The following TNNI3K variants were observed in gnomAD, a reference collection of about 807,000 sequenced individuals.
TNNI3K encodes the protein TNNI3 interacting kinase.
Under a neutral mutation model 114.5 loss-of-function variants are expected in TNNI3K, and 140 were observed. The observed-to-expected ratio is 1.22, with a 90% CI of 1.07 to 1.41. The LOEUF is 1.41. Ranked by LOEUF, TNNI3K falls within the 40% of genes most tolerant of loss-of-function variation. The pLI is 0.00. For synonymous variants in TNNI3K, 347 were observed against 347.5 expected (o/e 1.00, Z 0.02); for missense variants, 1,125 against 1,007.6 (o/e 1.12, Z -1.58).
intron 5 of TNNI3K, among the ~76,000 whole-genome samples, chr1:74,292,971 C>T (rs10890122): frequency 0.6 from 90,372 of 151,220 alleles, 30,769 homozygotes; most frequent in East Asian, 0.82. Context: ...TTTACTTTAC[C>T]CATGAAGTCC....
chr1:74,378,143 A>T lies in TNNI3K; in HGVS notation c.1772+7751A>T, dbSNP rs926449195. ...AATGGATGCCTTAGGGATTAGGGCTACCTGTAGTTCTGAAATGTTTATGTC... is the reference window on the plus strand; with the variant it reads ...AATGGATGCCTTAGGGATTAGGGCTTCCTGTAGTTCTGAAATGTTTATGTC... On this transcript the variant is annotated intron_variant, in intron 17 of 24. Transcript: ENST00000326637. Among the ~76,000 whole-genome samples, 4 of 152,034 alleles carry T rather than the reference A, an allele frequency of 2.6e-5. No individual in the cohort carries two copies. In the East Asian group the frequency reaches 7.8e-4, roughly 29 times the overall value.
rs529752516 is a variant in TNNI3K at position 74,453,996 on chromosome 1, T to A, written c.2012-9445T>A. ...CTAACACCGTAGGGGCTAAAGAGAATTGGCATGTGTCTTGCGACCTTGTGC... is the reference window on the plus strand; with the variant it reads ...CTAACACCGTAGGGGCTAAAGAGAAATGGCATGTGTCTTGCGACCTTGTGC... On this transcript the variant is annotated intron_variant, in intron 20 of 24. Coordinates refer to ENST00000326637, the MANE Select transcript of TNNI3K (RefSeq NM_015978.3). Among the ~76,000 whole-genome samples, 4 of 152,324 alleles carry A rather than the reference T, an allele frequency of 2.6e-5. No homozygotes were observed. In the South Asian group the frequency reaches 8.3e-4, roughly 32 times the overall value.
intron 5 of TNNI3K, among the ~76,000 whole-genome samples, chr1:74,286,451 G>T (rs1351109366): frequency 6.6e-6 from 1 of 152,140 alleles, no homozygotes; most frequent in Non-Finnish European, 1.5e-5. Context: ...CAGGCTGCAG[G>T]CCAGCCCTAG....
rs1441348567 is a variant in TNNI3K at position 74,416,471 on chromosome 1, C to T, written c.1773-19609C>T. ...CCTAGAAGTTATTGGAGTAGATTCT[C>T]CCAAAAGGTAGAGGCTTTACACTAG... On this transcript the variant is annotated intron_variant, in intron 17 of 24. Transcript: ENST00000326637. The T allele has an allele frequency of 6.2e-6, 6 of 972,354 alleles. No individual in the cohort carries two copies. The Admixed American group carries it at 2.5e-4, about 40-fold the overall frequency. The allele number at this position is 972,354 out of a possible 1,614,324, so 60.2% of individuals were successfully genotyped here. A position where few individuals can be genotyped will look rare whatever the true frequency, so the allele number is the denominator to read the frequency against.
chr1:74,475,610 T>C (rs776836708), intron 21 of TNNI3K: 4 of 717,162 alleles, frequency 5.6e-6, no homozygotes, highest in Admixed American at 4.0e-5. Flanking sequence ...GACCCCACAG[T>C]GGACATGACC....
At position 74,369,580 on chromosome 1, in the gene TNNI3K, GA is replaced by G; in HGVS notation, c.1664del (p.Lys555ArgfsTer10). ...GSLFSLLHEQ[K>X]RILDLQSKLI... ...CTCTGTTCTCCCTCCTTCATGAGCA[GA>G]AGAGGTATGGGTCTTTTGTTCTGAT... On this transcript the variant is annotated frameshift_variant, in exon 16 of 25. Transcript: ENST00000326637. LOFTEE classifies it high-confidence loss of function. 2 of 1,605,092 alleles carry G rather than the reference GA, an allele frequency of 1.2e-6. No individual in the cohort carries two copies. The highest frequency in any genetic ancestry group is 1.7e-6 in the Non-Finnish European group (2 of 1,176,002).
intron 17 of TNNI3K, 35 bp downstream of exon 17, chr1:74,370,427 A>G (rs1398627638): frequency 7.0e-6 from 11 of 1,562,930 alleles, no homozygotes; most frequent in South Asian, 3.5e-5. Context: ...TCAGAAGGGT[A>G]TGACTAACTG....
chr1:74,366,486 T>C (rs2100512898), intron 11 of TNNI3K: 1 of 152,058 alleles, frequency 6.6e-6, no homozygotes, highest in Admixed American at 6.6e-5. Flanking sequence ...CACTTCAGGG[T>C]GGGCATTTCT....
Position 74,449,645 on chromosome 1 carries a change from A to G in TNNI3K, c.2011+10023A>G, listed in dbSNP as rs1425480098. On this transcript the variant is annotated intron_variant, in intron 20 of 24. Transcript: ENST00000326637. ...ACAGACTTTAAACCAACAAAGATCA[A>G]AAGAGACAAAGAAGGCCATTACATA... 1.7e-3 allele frequency among the ~76,000 whole-genome samples: 261 copies of G among 151,830 alleles called. 1 individual carries two copies. Among genetic ancestry groups the G allele is most frequent in the African/African-American group, 6.1e-3 (250 of 41,264 alleles).
In TNNI3K at chr1:74,273,276, G is replaced by T. The variant is rs150507905; in HGVS notation, c.444+1568G>T. On this transcript the variant is annotated intron_variant, in intron 5 of 24. Transcript: ENST00000326637. Reference sequence around the variant, plus strand: ...ATTTCCTGGAAAATAAATCCTTTTAGTGAGATTCATTGTAAATATAGGTGA... The same window carrying T: ...ATTTCCTGGAAAATAAATCCTTTTATTGAGATTCATTGTAAATATAGGTGA... Among the ~76,000 whole-genome samples the T allele has an allele frequency of 2.4e-4, 36 of 151,854 alleles. No individual in the cohort carries two copies. The East Asian group carries it at 5.6e-3, about 24-fold the overall frequency.
intron 9 of TNNI3K, among the ~76,000 whole-genome samples, chr1:74,346,430 T>A (rs564010259): frequency 4.1e-4 from 63 of 152,206 alleles, no homozygotes; most frequent in African/African-American, 1.5e-3. Context: ...CAGGGAACTC[T>A]TATATCTTAT....
In TNNI3K at chr1:74,283,981, A is replaced by G. The variant is rs142915364; in HGVS notation, c.444+12273A>G. ...CTCCTTACAAGGAATTTGAAGACTGAGTTGTAAATCAGAATTTCTATAGCT... is the reference window on the plus strand; with the variant it reads ...CTCCTTACAAGGAATTTGAAGACTGGGTTGTAAATCAGAATTTCTATAGCT... On this transcript the variant is annotated intron_variant, in intron 5 of 24. Transcript: ENST00000326637. Among the ~76,000 whole-genome samples, 247 of 152,210 alleles carry G rather than the reference A, an allele frequency of 1.6e-3. 7 individuals carry two copies. In the East Asian group the frequency reaches 0.036, roughly 22 times the overall value.
At chr1:74,355,523 G>T (rs2100484942) in intron 11 of TNNI3K, among the ~76,000 whole-genome samples, 1 of 152,192 alleles carries the variant, frequency 6.6e-6, no homozygotes, top group East Asian at 1.9e-4. Flanking sequence ...AGAATCATTT[G>T]AACCCGGGAG....
intron 23 of TNNI3K, among the ~76,000 whole-genome samples, chr1:74,498,230 A>T (rs1186106446): frequency 6.6e-6 from 1 of 152,158 alleles, no homozygotes; most frequent in African/African-American, 2.4e-5. Context: ...ACTGTATCTT[A>T]ACAGTTTTTT....
At chr1:74,346,965 T>A (rs1661031770) in intron 9 of TNNI3K, among the ~76,000 whole-genome samples, 1 of 151,826 alleles carries the variant, frequency 6.6e-6, no homozygotes, top group Non-Finnish European at 1.5e-5. Flanking sequence ...AATGACCCCA[T>A]TTTAAATTAA....
At chr1:74,409,676 T>C (rs1351804626) in intron 17 of TNNI3K, among the ~76,000 whole-genome samples, 1 of 151,908 alleles carries the variant, frequency 6.6e-6, no homozygotes, top group Non-Finnish European at 1.5e-5. Flanking sequence ...GTATTTTTAG[T>C]GGAGATGAGT....
intron 5 of TNNI3K, among the ~76,000 whole-genome samples, chr1:74,272,964 A>T: frequency 6.7e-6 from 1 of 149,854 alleles, no homozygotes; most frequent in East Asian, 2.0e-4. Context: ...AATGTAAAAG[A>T]TGAGAAGTCT....
intron 20 of TNNI3K, among the ~76,000 whole-genome samples, chr1:74,447,103 T>C (rs1215858401): frequency 5.3e-5 from 8 of 151,414 alleles, no homozygotes; most frequent in African/African-American, 1.9e-4. Context: ...TTGATGGGAA[T>C]GGCATTGAAT....
chr1:74,426,712 T>C (rs1358695244), intron 17 of TNNI3K, among the ~76,000 whole-genome samples: 1 of 152,130 alleles, frequency 6.6e-6, no homozygotes, highest in South Asian at 2.1e-4. Context: ...AGACCTTTTA[T>C]GTCTGGATGT....
Sources: allele counts gnomAD v4.1 joint callset (sites outside exome capture counted in the v4.1 genomes callset), GRCh38; gene constraint gnomAD v4.1.1; transcripts MANE v1.5; gene names NCBI Gene and HGNC (gene_info 2026-07-23, HGNC 2026-07-21).